Variants in GALR3 observed in about 807,000 individuals in gnomAD.
GALR3 encodes galanin receptor 3.
Under a neutral mutation model 6.9 loss-of-function variants are expected in GALR3, and 5 were observed. The observed-to-expected ratio is 0.72, with a 90% CI of 0.38 to 1.52. The LOEUF (loss-of-function observed/expected upper bound fraction) is 1.52, where lower values mean the gene tolerates loss of function less well. GALR3 is among the 40% of genes most tolerant of loss of function. The pLI is 0.03. For synonymous variants in GALR3, 308 were observed against 263.6 expected (o/e 1.17, Z -1.63); for missense variants, 570 against 545.6 (o/e 1.04, Z -0.44).
At position 37,823,622 on chromosome 22, in the gene GALR3, C is replaced by A. The variant is rs1922507755; in HGVS notation, c.216C>A (p.Ile72=). Residue 72 remains isoleucine, a synonymous_variant, in exon 1 of 2, where the codon ATC becomes ATA. Coordinates refer to ENST00000249041, the MANE Select transcript of GALR3 (RefSeq NM_003614.2). ...LNLAVADLCF[I]LCCVPFQATI... is the part of the protein sequence containing the mutation. ...TGGCGGTGGCTGACCTCTGCTTCAT[C>A]CTGTGCTGCGTGCCCTTCCAGGCCA... The A allele has an allele frequency of 2.5e-6, 4 of 1,614,126 alleles. No homozygotes were observed. The highest frequency in any genetic ancestry group is 3.4e-6 in the Non-Finnish European group (4 of 1,180,010).
chr22:37,825,249 C>A lies in GALR3; in HGVS notation c.886C>A (p.Arg296Ser). 1 of 1,427,964 alleles carries A rather than the reference C, an allele frequency of 7.0e-7. No homozygotes were observed. Among genetic ancestry groups the A allele is most frequent in the African/African-American group, 1.5e-5 (1 of 68,082 alleles). 88.5% of individuals were successfully genotyped at this position (1,427,964 alleles called of 1,614,324 possible). A position where few individuals can be genotyped will look rare whatever the true frequency, so the allele number is the denominator to read the frequency against. Residue 296 changes from arginine to serine, a missense_variant, in exon 2 of 2, where the codon CGC (arginine) becomes AGC (serine). Arg to Ser is a moderately radical substitution (Grantham distance 110). Coordinates refer to ENST00000249041, the MANE Select transcript of GALR3 (RefSeq NM_003614.2). ...LNPLVYALAS[R>S]HFRARFRRLW... ...CCCGCTCGTCTACGCGCTCGCCTCG[C>A]GCCACTTCCGCGCGCGCTTCCGCCG...
chr22:37,823,555 G>A lies in GALR3; in HGVS notation c.149G>A (p.Trp50Ter), dbSNP rs775943594. The change falls in exon 1 of 2, where the codon TGG becomes TAG. Residue 50 changes from tryptophan to a stop codon, truncating the protein, a stop_gained. Transcript: ENST00000249041. LOFTEE classifies it high-confidence loss of function. ...CTCCTGCAGCCTGGCCCGAGTGCCT[G>A]GCAGGAGCCTGGCAGCACCACGGAC... ...AVLLQPGPSA[W>*]QEPGSTTDLF... The A allele has an allele frequency of 1.9e-6, 3 of 1,613,660 alleles. No homozygotes were observed. Among genetic ancestry groups the A allele is most frequent in the Admixed American group, 3.3e-5 (2 of 60,012 alleles).
In GALR3 at chr22:37,824,993, C is replaced by T; in HGVS notation, c.630C>T (p.Phe210=). The T allele has an allele frequency of 8.3e-6, 10 of 1,208,734 alleles. 1 individual carries two copies. The highest frequency in any genetic ancestry group is 6.4e-4 in the Middle Eastern group (2 of 3,120). 74.9% of individuals were successfully genotyped at this position (1,208,734 alleles called of 1,614,324 possible). A position where few individuals can be genotyped will look rare whatever the true frequency, so the allele number is the denominator to read the frequency against. Residue 210 remains phenylalanine (F), a synonymous_variant, in exon 2 of 2, where the codon TTC becomes TTT. Transcript: ENST00000249041. The part of the protein sequence containing the change: ...VSLAYGRTLR[F]LWAAVGPAGA... ...TGGCCTACGGGCGCACGCTGCGCTT[C>T]CTGTGGGCCGCCGTGGGTCCCGCGG...
At position 37,825,072 on chromosome 22, in the gene GALR3, A is replaced by G; in HGVS notation, c.709A>G (p.Met237Val). ...GGCGACGGGCCGCGCGGGGCGCGCC[A>G]TGCTGGCGGTGGCCGCGCTCTACGC... ...RRATGRAGRA[M>V]LAVAALYALC... The change falls in exon 2 of 2, where the codon ATG becomes GTG. Residue 237 changes from methionine (M) to valine (V), a missense_variant. Physicochemically the swap from Met to Val is conservative, Grantham distance 21. Coordinates refer to ENST00000249041, the MANE Select transcript of GALR3 (RefSeq NM_003614.2). 6.9e-6 allele frequency: 8 copies of G among 1,152,784 alleles called. No homozygotes were observed. Among genetic ancestry groups the G allele is most frequent in the Non-Finnish European group, 8.6e-6 (8 of 935,608 alleles). 71.4% of individuals were successfully genotyped at this position (1,152,784 alleles called of 1,614,324 possible).
Position 37,825,247 on chromosome 22 carries a change from C to T in GALR3, c.884C>T (p.Ser295Leu). Residue 295 changes from serine (S) to leucine (L), a missense_variant, in exon 2 of 2, where the codon TCG becomes TTG. Ser to Leu is a moderately radical substitution (Grantham distance 145). Coordinates refer to ENST00000249041, the MANE Select transcript of GALR3 (RefSeq NM_003614.2). ...AACCCGCTCGTCTACGCGCTCGCCT[C>T]GCGCCACTTCCGCGCGCGCTTCCGC... is the stretch of plus-strand genomic sequence containing the variant. Reference protein sequence around the residue: ...CLNPLVYALASRHFRARFRRL... With the variant: ...CLNPLVYALALRHFRARFRRL... The T allele has an allele frequency of 7.0e-7, 1 of 1,437,888 alleles. No homozygotes were observed. 89.1% of individuals were successfully genotyped at this position (1,437,888 alleles called of 1,614,324 possible).
chr22:37,825,006 G>T lies in GALR3; in HGVS notation c.643G>T (p.Val215Leu). ...CACGCTGCGCTTCCTGTGGGCCGCC[G>T]TGGGTCCCGCGGGCGCGGCGGCGGC... ...GRTLRFLWAA[V>L]GPAGAAAAEA... The change falls in exon 2 of 2, where the codon GTG becomes TTG. Residue 215 changes from valine to leucine, a missense_variant. Transcript: ENST00000249041. 2 of 1,182,652 alleles carry T rather than the reference G, an allele frequency of 1.7e-6. No homozygotes were observed. The highest frequency in any genetic ancestry group is 4.1e-5 in the South Asian group (1 of 24,606). The allele number at this position is 1,182,652 out of a possible 1,614,324, so 73.3% of individuals were successfully genotyped here.
Position 37,825,340 on chromosome 22 carries a change from C to T in GALR3, c.977C>T (p.Ala326Val), listed in dbSNP as rs779906919. Reference protein sequence around the residue: ...ARRALRRVRPASSGPPGCPGD... With the variant: ...ARRALRRVRPVSSGPPGCPGD... ...CGCGCCTTGCGTCGCGTCCGCCCCG[C>T]GTCCTCGGGCCCACCCGGCTGCCCC... Residue 326 changes from alanine (A) to valine (V), a missense_variant, in exon 2 of 2, where the codon GCG (alanine) becomes GTG (valine). Transcript: ENST00000249041. The T allele has an allele frequency of 2.4e-4, 314 of 1,284,192 alleles. No homozygotes were observed. The highest frequency in any genetic ancestry group is 5.1e-4 in the African/African-American group (33 of 64,712). The allele number at this position is 1,284,192 out of a possible 1,614,324, so 79.5% of individuals were successfully genotyped here.
chr22:37,823,404 G>GA lies in GALR3; in HGVS notation c.-2dup. 1 of 1,565,708 alleles carries GA rather than the reference G, an allele frequency of 6.4e-7. No homozygotes were observed. The highest frequency in any genetic ancestry group is 1.4e-5 in the African/African-American group (1 of 73,990). On this transcript the variant is annotated 5_prime_UTR_variant, in exon 1 of 2. Coordinates refer to ENST00000249041, the MANE Select transcript of GALR3 (RefSeq NM_003614.2). ...TCTTCCCAGGTGCCCGTCTGATGGG[G>GA]AGATGGCTGATGCCCAGAACATTTC...
chr22:37,825,112 C>G lies in GALR3; in HGVS notation c.749C>G (p.Pro250Arg), dbSNP rs768055980. 2 of 1,409,462 alleles carry G rather than the reference C, an allele frequency of 1.4e-6. No homozygotes were observed. Among genetic ancestry groups the G allele is most frequent in the South Asian group, 1.4e-5 (1 of 72,472 alleles). The allele number at this position is 1,409,462 out of a possible 1,614,324, so 87.3% of individuals were successfully genotyped here. ...GCGCTCTACGCGCTCTGCTGGGGTC[C>G]GCACCACGCGCTCATCCTGTGCTTC... The part of the protein sequence containing the change: ...VAALYALCWG[P>R]HHALILCFWY... Residue 250 changes from proline (P) to arginine (R), a missense_variant, in exon 2 of 2, where the codon CCG (proline) becomes CGG (arginine). Pro to Arg is a moderately radical substitution (Grantham distance 103, BLOSUM62 -2). Coordinates refer to ENST00000249041, the MANE Select transcript of GALR3 (RefSeq NM_003614.2).
At chr22:37,824,700 C>A in intron 1 of GALR3, 23 bp from the exon 2 acceptor site, 1 of 1,193,314 alleles carries the variant, frequency 8.4e-7, no homozygotes, top group Non-Finnish European at 1.0e-6. Flanking sequence ...CTGCCCGCCC[C>A]GCTGACCAGG....
intron 1 of GALR3, 25 bp from the exon 2 acceptor site, chr22:37,824,698 C>T (rs1171395601): frequency 8.4e-7 from 1 of 1,191,684 alleles, no homozygotes; most frequent in Non-Finnish European, 1.0e-6. Context: ...ACCTGCCCGC[C>T]CCGCTGACCA....
chr22:37,825,242 C>T lies in GALR3; in HGVS notation c.879C>T (p.Leu293=), dbSNP rs749003779. ...NSCLNPLVYA[L]ASRHFRARFR... ...GCCTCAACCCGCTCGTCTACGCGCTCGCCTCGCGCCACTTCCGCGCGCGCT... is the reference window on the plus strand; with the variant it reads ...GCCTCAACCCGCTCGTCTACGCGCTTGCCTCGCGCCACTTCCGCGCGCGCT... The change falls in exon 2 of 2, where the codon CTC becomes CTT. Residue 293 remains leucine, a synonymous_variant. Coordinates refer to ENST00000249041, the MANE Select transcript of GALR3 (RefSeq NM_003614.2). 2.1e-6 allele frequency: 3 copies of T among 1,445,244 alleles called. No individual in the cohort carries two copies. Among genetic ancestry groups the T allele is most frequent in the Non-Finnish European group, 2.7e-6 (3 of 1,091,336 alleles). 89.5% of individuals were successfully genotyped at this position (1,445,244 alleles called of 1,614,324 possible). A position where few individuals can be genotyped will look rare whatever the true frequency, so the allele number is the denominator to read the frequency against.
At position 37,823,948 on chromosome 22, in the gene GALR3, C is replaced by G. The variant is rs139405388; in HGVS notation, c.359+183C>G. 6.6e-5 allele frequency among the ~76,000 whole-genome samples: 10 copies of G among 152,250 alleles called. No homozygotes were observed. The East Asian group carries it at 1.7e-3, about 26-fold the overall frequency. ...AGCCTCTGGGCACCTGCAGGGCGTG[C>G]TTGAGGGGACTGTCCTGCCCTTCCC... On this transcript the variant is annotated intron_variant, in intron 1 of 1. Transcript: ENST00000249041.
chr22:37,824,382 A>C (rs1922532740), intron 1 of GALR3, among the ~76,000 whole-genome samples: 1 of 151,890 alleles, frequency 6.6e-6, no homozygotes, highest in Non-Finnish European at 1.5e-5. Flanking sequence ...GCTATTTTCT[A>C]ACTGCCCACA....
Position 37,823,678 on chromosome 22 carries a change from G to A in GALR3, c.272G>A (p.Gly91Glu). Residue 91 changes from glycine (G) to glutamate (E), a missense_variant, in exon 1 of 2, where the codon GGG (glycine) becomes GAG (glutamate). By Grantham distance (98) the Gly-to-Glu change is moderately conservative. Transcript: ENST00000249041. ...TACACGCTGGATGCCTGGCTCTTTG[G>A]GGCCCTCGTCTGCAAGGCCGTGCAC... ...TIYTLDAWLF[G>E]ALVCKAVHLL... 6.2e-7 allele frequency: 1 copy of A among 1,613,918 alleles called. No individual in the cohort carries two copies. Among genetic ancestry groups the A allele is most frequent in the Non-Finnish European group, 8.5e-7 (1 of 1,179,960 alleles).
Position 37,825,124 on chromosome 22 carries a change from T to C in GALR3, c.761T>C (p.Leu254Pro). 2 of 1,442,058 alleles carry C rather than the reference T, an allele frequency of 1.4e-6. No individual in the cohort carries two copies. The highest frequency in any genetic ancestry group is 1.8e-6 in the Non-Finnish European group (2 of 1,088,324). The allele number at this position is 1,442,058 out of a possible 1,614,324, so 89.3% of individuals were successfully genotyped here. The change falls in exon 2 of 2, where the codon CTC becomes CCC. Residue 254 changes from leucine to proline, a missense_variant. Leu to Pro is a moderately conservative substitution (Grantham distance 98, BLOSUM62 -3). Transcript: ENST00000249041. Reference protein sequence around the residue: ...YALCWGPHHALILCFWYGRFA... With the variant: ...YALCWGPHHAPILCFWYGRFA... Reference sequence around the variant, plus strand: ...CTCTGCTGGGGTCCGCACCACGCGCTCATCCTGTGCTTCTGGTACGGCCGC... The same window carrying C: ...CTCTGCTGGGGTCCGCACCACGCGCCCATCCTGTGCTTCTGGTACGGCCGC...
Position 37,825,298 on chromosome 22 carries a change from G to T in GALR3, c.935G>T (p.Arg312Leu), listed in dbSNP as rs767613373. The stretch of plus-strand genomic sequence containing the variant: ...CGCCTGTGGCCGTGCGGCCGCCGAC[G>T]CCGCCACCGTGCCCGCCGCGCCTTG... ...FRRLWPCGRR[R>L]RHRARRALRR... Residue 312 changes from arginine (R) to leucine (L), a missense_variant, in exon 2 of 2, where the codon CGC (arginine) becomes CTC (leucine). Physicochemically the swap from Arg to Leu is moderately radical, Grantham distance 102 (BLOSUM62 -2). Coordinates refer to ENST00000249041, the MANE Select transcript of GALR3 (RefSeq NM_003614.2). 1,111 of 1,256,368 alleles carry T rather than the reference G, an allele frequency of 8.8e-4. 2 individuals are homozygous for T. The highest frequency in any genetic ancestry group is 1.1e-3 in the Middle Eastern group (5 of 4,468). The allele number at this position is 1,256,368 out of a possible 1,614,324, so 77.8% of individuals were successfully genotyped here.
Position 37,825,399 on chromosome 22 carries a change from G to A in GALR3, c.1036G>A (p.Gly346Ser). Residue 346 changes from glycine to serine, a missense_variant, in exon 2 of 2, where the codon GGT becomes AGT. Coordinates refer to ENST00000249041, the MANE Select transcript of GALR3 (RefSeq NM_003614.2). The stretch of plus-strand genomic sequence containing the variant: ...CCGGCCTAGCGGGAGGCTGCTGGCT[G>A]GTGGCGGCCAGGGCCCGGAGCCCAG... ...DARPSGRLLAGGGQGPEPREG... is the reference protein window; with the variant it reads ...DARPSGRLLASGGQGPEPREG... The A allele has an allele frequency of 2.9e-6, 4 of 1,395,642 alleles. No homozygotes were observed. Among genetic ancestry groups the A allele is most frequent in the Non-Finnish European group, 3.7e-6 (4 of 1,070,228 alleles). 86.5% of individuals were successfully genotyped at this position (1,395,642 alleles called of 1,614,324 possible). A position where few individuals can be genotyped will look rare whatever the true frequency, so the allele number is the denominator to read the frequency against.
At position 37,825,037 on chromosome 22, in the gene GALR3, C is replaced by A. The variant is rs749411626; in HGVS notation, c.674C>A (p.Ala225Glu). 1.0e-3 allele frequency: 1,160 copies of A among 1,152,814 alleles called. 3 individuals are homozygous for A. The highest frequency in any genetic ancestry group is 1.2e-3 in the Non-Finnish European group (1,090 of 937,554). The allele number at this position is 1,152,814 out of a possible 1,614,324, so 71.4% of individuals were successfully genotyped here. ...CCCGCGGGCGCGGCGGCGGCCGAGG[C>A]GCGGCGGAGGGCGACGGGCCGCGCG... Reference protein sequence around the residue: ...VGPAGAAAAEARRRATGRAGR... With the variant: ...VGPAGAAAAEERRRATGRAGR... The change falls in exon 2 of 2, where the codon GCG becomes GAG. Residue 225 changes from alanine to glutamate, a missense_variant. Transcript: ENST00000249041.
Sources: gnomAD v4.1 joint callset for allele counts (sites outside exome capture counted in the v4.1 genomes callset) on GRCh38, gnomAD v4.1.1 for gene constraint, MANE v1.5 for transcripts, NCBI Gene and HGNC (gene_info 2026-07-23, HGNC 2026-07-21) for gene names.